The following IQGAP1 variants were observed in gnomAD, a reference collection of about 807,000 sequenced individuals.
The protein encoded by IQGAP1 is IQ motif containing GTPase activating protein 1, also known as ras GTPase-activating-like protein IQGAP1.
Under a neutral mutation model 215.6 loss-of-function variants are expected in IQGAP1, and 66 were observed. The observed-to-expected ratio is 0.31, with a 90% CI of 0.25 to 0.38. The LOEUF (loss-of-function observed/expected upper bound fraction) is 0.38. Among genes scored for constraint, IQGAP1 ranks in the 10% least tolerant of loss-of-function variants. The pLI is 1.00. For synonymous variants in IQGAP1, 772 were observed against 728.7 expected (o/e 1.06, Z -0.96); for missense variants, 1,712 against 1,997.1 (o/e 0.86, Z 2.72).
intron 18 of IQGAP1, among the ~76,000 whole-genome samples, chr15:90,471,019 C>T (rs1433810079): frequency 6.6e-6 from 1 of 152,020 alleles, no homozygotes; most frequent in Non-Finnish European, 1.5e-5. Context: ...CTAGCCCTTA[C>T]CCTTGTGCTT....
chr15:90,432,953 C>G (rs903434648), intron 4 of IQGAP1, among the ~76,000 whole-genome samples: 2 of 152,180 alleles, frequency 1.3e-5, no homozygotes, highest in African/African-American at 4.8e-5. Context: ...CTACCTCATT[C>G]ACTAACTCAT....
chr15:90,454,337 T>C, intron 13 of IQGAP1, 91 bp from the exon 14 acceptor site: 11 of 1,498,820 alleles, frequency 7.3e-6, no homozygotes, highest in Non-Finnish European at 1.0e-5. Flanking sequence ...TGAGAATATA[T>C]CAAATGGTTG....
chr15:90,426,514 AAAT>A, intron 3 of IQGAP1, among the ~76,000 whole-genome samples: 1 of 138,956 alleles, frequency 7.2e-6, no homozygotes, highest in East Asian at 2.5e-4. Flanking sequence ...CCCCACAAAA[AAAT>A]ATGTACTAGG....
chr15:90,467,371 T>C (rs1184814304), intron 17 of IQGAP1, 79 bp from the exon 18 acceptor site: 2 of 1,417,974 alleles, frequency 1.4e-6, no homozygotes, highest in Non-Finnish European at 1.9e-6. Context: ...TGAGACTAAC[T>C]AATAATCCTG....
intron 33 of IQGAP1, among the ~76,000 whole-genome samples, chr15:90,487,908 T>C (rs889893681): frequency 2.0e-5 from 3 of 152,158 alleles, no homozygotes; most frequent in Non-Finnish European, 4.4e-5. Context: ...TCCATAGATG[T>C]TGAAGTCCCT....
In IQGAP1 at chr15:90,498,878, C is replaced by T. The variant is rs192203105; in HGVS notation, c.4861-1117C>T. On this transcript the variant is annotated intron_variant, in intron 37 of 37. Coordinates refer to ENST00000268182, the MANE Select transcript of IQGAP1 (RefSeq NM_003870.4). Reference sequence around the variant, plus strand: ...AAGCTGCAGTGCAATGGCACAATCTCGGCTCACTGCAACCTCCGCCTCCTG... The same window carrying T: ...AAGCTGCAGTGCAATGGCACAATCTTGGCTCACTGCAACCTCCGCCTCCTG... Among the ~76,000 whole-genome samples, 33 of 150,722 alleles carry T rather than the reference C, an allele frequency of 2.2e-4. 1 individual carries two copies. Among genetic ancestry groups the T allele is most frequent in the Admixed American group, 8.6e-4 (13 of 15,110 alleles).
At chr15:90,454,583 T>C (rs752109621) in intron 14 of IQGAP1, 31 bp downstream of exon 14, 1 of 1,514,054 alleles carries the variant, frequency 6.6e-7, no homozygotes, top group Admixed American at 2.3e-5. Context: ...CCCCAAATAA[T>C]GTCACCATTA....
intron 25 of IQGAP1, 143 bp downstream of exon 25, chr15:90,477,373 A>G: frequency 2.7e-6 from 2 of 744,268 alleles, no homozygotes. Flanking sequence ...TAATTTTTAA[A>G]TAACTGATAT....
intron 37 of IQGAP1, among the ~76,000 whole-genome samples, chr15:90,498,661 A>T (rs971403116): frequency 2.0e-5 from 3 of 149,206 alleles, no homozygotes; most frequent in African/African-American, 7.5e-5. Flanking sequence ...CTTTTTTTGG[A>T]GGGGGGGGCA....
rs1965999330 is a variant in IQGAP1, at chr15:90,477,670, A to G, written c.3110A>G (p.Lys1037Arg). ...KTALQEEIKS[K>R]VDQIQEIVTG... Reference sequence around the variant, plus strand: ...TTTTATCTGATGTTTTATAGGTCGAAGGTAGATCAGATTCAAGAGATTGTG... The same window carrying G: ...TTTTATCTGATGTTTTATAGGTCGAGGGTAGATCAGATTCAAGAGATTGTG... The change falls in exon 26 of 38, where the codon AAG becomes AGG. Residue 1037 changes from lysine (K) to arginine (R), a missense_variant. Lys to Arg is a conservative substitution (Grantham distance 26, BLOSUM62 2). Transcript: ENST00000268182. 1 of 1,609,200 alleles carries G rather than the reference A, an allele frequency of 6.2e-7. No individual in the cohort carries two copies. Among genetic ancestry groups the G allele is most frequent in the Non-Finnish European group, 8.5e-7 (1 of 1,175,576 alleles).
At chr15:90,410,484 C>T (rs1964944491) in intron 2 of IQGAP1, among the ~76,000 whole-genome samples, 1 of 152,156 alleles carries the variant, frequency 6.6e-6, no homozygotes, top group African/African-American at 2.4e-5. Flanking sequence ...GGCACATATA[C>T]ACCATGGAAT....
At chr15:90,445,713 A>C (rs1211866350) in intron 9 of IQGAP1, among the ~76,000 whole-genome samples, 1 of 152,204 alleles carries the variant, frequency 6.6e-6, no homozygotes, top group East Asian at 1.9e-4. Flanking sequence ...AATAATAGTA[A>C]TTGTTCTCAT....
chr15:90,409,032 G>A (rs1211757248), intron 2 of IQGAP1, among the ~76,000 whole-genome samples: 1 of 151,956 alleles, frequency 6.6e-6, no homozygotes, highest in Admixed American at 6.6e-5. Context: ...CCTTCTATGT[G>A]TGATCTAGAT....
intron 2 of IQGAP1, among the ~76,000 whole-genome samples, chr15:90,402,516 C>T (rs1964817571): frequency 6.6e-6 from 1 of 152,176 alleles, no homozygotes; most frequent in East Asian, 1.9e-4. Context: ...TAGGGCTTGG[C>T]TTCTGTTGGG....
intron 2 of IQGAP1, among the ~76,000 whole-genome samples, chr15:90,411,425 C>T (rs554723508): frequency 7.2e-5 from 11 of 152,200 alleles, no homozygotes; most frequent in Non-Finnish European, 1.5e-4. Context: ...GGATTATAGG[C>T]GTGAGCCACC....
At chr15:90,472,280 T>C (rs968070526) in intron 18 of IQGAP1, among the ~76,000 whole-genome samples, 1 of 152,158 alleles carries the variant, frequency 6.6e-6, no homozygotes, top group African/African-American at 2.4e-5. Flanking sequence ...GTCTCTAAAG[T>C]AAATAATAAA....
chr15:90,447,216 C>T (rs973304082), intron 9 of IQGAP1, among the ~76,000 whole-genome samples: 1 of 152,150 alleles, frequency 6.6e-6, no homozygotes, highest in Non-Finnish European at 1.5e-5. Flanking sequence ...ACTTGAGAAG[C>T]CACCACCTTG....
At chr15:90,435,942 A>T (rs1462877743) in intron 5 of IQGAP1, among the ~76,000 whole-genome samples, 1 of 152,110 alleles carries the variant, frequency 6.6e-6, no homozygotes, top group African/African-American at 2.4e-5. Context: ...GCCTTCTTTT[A>T]CCACAAAACA....
At chr15:90,473,112 CT>C (rs1287099714) in intron 19 of IQGAP1, 102 bp downstream of exon 19, 1 of 1,064,850 alleles carries the variant, frequency 9.4e-7, no homozygotes, top group Non-Finnish European at 1.4e-6. Flanking sequence ...TTTTTGAGTG[CT>C]GGACTCTTAG....
Sources: gnomAD v4.1 joint callset for allele counts (sites outside exome capture counted in the v4.1 genomes callset) on GRCh38, gnomAD v4.1.1 for gene constraint, MANE v1.5 for transcripts, NCBI Gene and HGNC (gene_info 2026-07-23, HGNC 2026-07-21) for gene names.